The following RAB6B variants were observed in gnomAD, a reference collection of about 807,000 sequenced individuals.
RAB6B encodes the protein RAB6B, member RAS oncogene family.
A neutral mutation model predicts 31.2 loss-of-function variants in RAB6B; 7 were observed. The observed-to-expected ratio is 0.22, with a 90% confidence interval of 0.13 to 0.42. The LOEUF (loss-of-function observed/expected upper bound fraction) is 0.42, where lower values mean the gene tolerates loss of function less well. Among genes scored for constraint, RAB6B ranks in the 10% least tolerant of loss-of-function variants. The pLI, the probability that RAB6B is intolerant of heterozygous loss-of-function variation, is 1.00. For synonymous variants in RAB6B, 105 were observed against 104.9 expected (o/e 1.00, Z -0.01); for missense variants, 149 against 280.6 (o/e 0.53, Z 3.35).
chr3:133,891,768 A>G (rs1410460106), intron 1 of RAB6B, among the ~76,000 whole-genome samples: 4 of 152,246 alleles, frequency 2.6e-5, no homozygotes, highest in African/African-American at 7.2e-5. Flanking sequence ...CACAGCTCCA[A>G]GGAATGCTAT....
intron 1 of RAB6B, among the ~76,000 whole-genome samples, chr3:133,885,936 T>C (rs544502658): frequency 6.6e-6 from 1 of 152,320 alleles, no homozygotes; most frequent in Admixed American, 6.5e-5. Flanking sequence ...CTGGATCTCC[T>C]GCCTCCAATC....
At chr3:133,855,334 C>T (rs114748291) in intron 2 of RAB6B, among the ~76,000 whole-genome samples, 2,571 of 152,340 alleles carry the variant, frequency 0.017, 66 homozygotes, top group African/African-American at 0.057. Flanking sequence ...AGTACGGGTA[C>T]TTGCATTCTT....
intron 2 of RAB6B, among the ~76,000 whole-genome samples, chr3:133,849,731 G>T (rs1186894090): frequency 6.6e-6 from 1 of 152,112 alleles, no homozygotes; most frequent in South Asian, 2.1e-4. Flanking sequence ...ATATTTCTGG[G>T]GGTCACAAAC....
chr3:133,828,986 G>T, intron 7 of RAB6B, 134 bp from the exon 8 acceptor site: 1 of 822,418 alleles, frequency 1.2e-6, no homozygotes, highest in Non-Finnish European at 1.8e-6. Context: ...GGTTTGGCTG[G>T]GCTAGGAAGG....
chr3:133,867,242 T>C (rs1250562871), intron 1 of RAB6B, among the ~76,000 whole-genome samples: 1 of 152,180 alleles, frequency 6.6e-6, no homozygotes, highest in Non-Finnish European at 1.5e-5. Flanking sequence ...CCAGAGCTGA[T>C]ATTTTCTATG....
intron 1 of RAB6B, 114 bp downstream of exon 1, chr3:133,895,283 T>C (rs1165868430): frequency 1.1e-6 from 1 of 891,040 alleles, no homozygotes; most frequent in East Asian, 4.3e-5. Flanking sequence ...CCCTCTCCTC[T>C]ACCCTGGCAA....
intron 7 of RAB6B, among the ~76,000 whole-genome samples, chr3:133,832,975 G>T (rs1935677065): frequency 6.6e-6 from 1 of 152,252 alleles, no homozygotes; most frequent in African/African-American, 2.4e-5. Context: ...CGCGACTCTG[G>T]GAGAATGTGA....
intron 7 of RAB6B, among the ~76,000 whole-genome samples, chr3:133,831,800 G>T (rs1021433052): frequency 2.0e-5 from 3 of 152,206 alleles, no homozygotes; most frequent in Non-Finnish European, 4.4e-5. Context: ...GCCACATTCA[G>T]TGCCCAATGT....
At chr3:133,854,105 T>C (rs1936040235) in intron 2 of RAB6B, among the ~76,000 whole-genome samples, 1 of 152,230 alleles carries the variant, frequency 6.6e-6, no homozygotes, top group African/African-American at 2.4e-5. Flanking sequence ...TGATGAGTTC[T>C]GCACTGAAGA....
At chr3:133,834,089 A>T (rs1935695251) in intron 7 of RAB6B, among the ~76,000 whole-genome samples, 1 of 152,050 alleles carries the variant, frequency 6.6e-6, no homozygotes, top group South Asian at 2.1e-4. Flanking sequence ...GGTCCCACAG[A>T]TCAGTGGGGA....
intron 2 of RAB6B, among the ~76,000 whole-genome samples, chr3:133,851,409 T>TA (rs1178924461): frequency 2.0e-5 from 3 of 152,154 alleles, no homozygotes; most frequent in Non-Finnish European, 4.4e-5. Flanking sequence ...AAAGAACTGA[T>TA]AAACGACCAA....
Position 133,827,180 on chromosome 3 carries a change from C to T in RAB6B, c.*1608G>A, listed in dbSNP as rs1935578359. Reference sequence around the variant, plus strand: ...CTGCTGCACTTACTGCCTGCCATTTCAGATTAATTTCTGAGAAGTTTCAAA... The same window carrying T: ...CTGCTGCACTTACTGCCTGCCATTTTAGATTAATTTCTGAGAAGTTTCAAA... On this transcript the variant is annotated 3_prime_UTR_variant, in exon 8 of 8. Transcript: ENST00000285208. The T allele has an allele frequency of 6.6e-6, 1 of 152,292 alleles. No individual in the cohort carries two copies. The highest frequency in any genetic ancestry group is 6.5e-5 in the Admixed American group (1 of 15,292). 9.4% of individuals were successfully genotyped at this position (152,292 alleles called of 1,614,324 possible).
chr3:133,888,287 C>T (rs1463191966), intron 1 of RAB6B, among the ~76,000 whole-genome samples: 3 of 152,224 alleles, frequency 2.0e-5, no homozygotes, highest in Non-Finnish European at 4.4e-5. Context: ...CAGGGATGAT[C>T]CCACATCCGT....
chr3:133,889,404 A>G (rs1212431095), intron 1 of RAB6B, among the ~76,000 whole-genome samples: 1 of 31,518 alleles, frequency 3.2e-5, no homozygotes, highest in African/African-American at 1.9e-4. Context: ...ATATATATAT[A>G]TATATATATA....
At chr3:133,844,978 C>T (rs956687712) in intron 2 of RAB6B, among the ~76,000 whole-genome samples, 2 of 151,734 alleles carry the variant, frequency 1.3e-5, no homozygotes, top group Non-Finnish European at 2.9e-5. Flanking sequence ...GAGTTACAAC[C>T]GCTCAAGGAA....
Position 133,826,275 on chromosome 3 carries a change from A to T in RAB6B, c.*2513T>A, listed in dbSNP as rs539954260. On this transcript the variant is annotated 3_prime_UTR_variant, in exon 8 of 8. Coordinates refer to ENST00000285208, the MANE Select transcript of RAB6B (RefSeq NM_016577.4). The stretch of plus-strand genomic sequence containing the variant: ...AGGAAAGGCAGGACTCACTAAGGCC[A>T]TGTCAAACCAAATGCTATCTTTTAC... 2.6e-5 allele frequency: 4 copies of T among 152,266 alleles called. No individual in the cohort carries two copies. The highest frequency in any genetic ancestry group is 5.9e-5 in the Non-Finnish European group (4 of 68,074). The allele number at this position is 152,266 out of a possible 1,614,324, so 9.4% of individuals were successfully genotyped here.
At position 133,895,662 on chromosome 3, in the gene RAB6B, G is replaced by T; in HGVS notation, c.-196C>A. The T allele has an allele frequency of 1.7e-6, 1 of 600,730 alleles. No individual in the cohort carries two copies. The highest frequency in any genetic ancestry group is 2.9e-6 in the Non-Finnish European group (1 of 343,104). The allele number at this position is 600,730 out of a possible 1,614,324, so 37.2% of individuals were successfully genotyped here. On this transcript the variant is annotated 5_prime_UTR_variant, in exon 1 of 8. Transcript: ENST00000285208. ...CGTGTCCGGCGGCGGAGGAGGAGGA[G>T]GAGAGAGAGGCGGAGGCGGAGGAAG... is the stretch of plus-strand genomic sequence containing the variant.
In RAB6B at chr3:133,836,421, G is replaced by A. The variant is rs78136918; in HGVS notation, c.495+1745C>T. Among the ~76,000 whole-genome samples, 157 of 103,334 alleles carry A rather than the reference G, an allele frequency of 1.5e-3. No individual in the cohort carries two copies. In the Middle Eastern group the frequency reaches 0.022, roughly 14 times the overall value. The allele number at this position is 103,334 out of a possible 152,430, so 67.8% of individuals were successfully genotyped here. Reference sequence around the variant, plus strand: ...CTAGGATCAGGTATGGGTTTCTAGGGTCAGGTATGGGTTTCTGTGAGTGGA... The same window carrying A: ...CTAGGATCAGGTATGGGTTTCTAGGATCAGGTATGGGTTTCTGTGAGTGGA... On this transcript the variant is annotated intron_variant, in intron 6 of 7. Transcript: ENST00000285208.
At chr3:133,853,159 T>A (rs1009499949) in intron 2 of RAB6B, among the ~76,000 whole-genome samples, 1 of 152,070 alleles carries the variant, frequency 6.6e-6, no homozygotes, top group Admixed American at 6.5e-5. Context: ...GGTGATTTCC[T>A]GTGACCTGCC....
Sources: allele counts gnomAD v4.1 joint callset (sites outside exome capture counted in the v4.1 genomes callset), GRCh38; gene constraint gnomAD v4.1.1; transcripts MANE v1.5; gene names NCBI Gene and HGNC (gene_info 2026-07-23, HGNC 2026-07-21).